GAREM1: variants seen among roughly 807,000 people sequenced by gnomAD.
GAREM1 encodes the protein GRB2-associated and regulator of MAPK protein 1.
GAREM1 carries 26 observed loss-of-function variants against 71.3 expected under a neutral mutation model. The ratio of observed to expected loss-of-function variants is 0.36; its 90% CI spans 0.27 to 0.51. GAREM1 has a LOEUF of 0.51. Ranked by LOEUF, GAREM1 falls within the 20% of genes least tolerant of loss-of-function variation. The probability of loss-of-function intolerance (pLI) is 0.95; values close to 1 mark genes in which losing one functional copy is unlikely to be tolerated. For missense variants in GAREM1, 1,026 were observed against 1,103.1 expected (o/e 0.93, Z 0.99); for synonymous variants, 440 against 433.2 (o/e 1.02, Z -0.20).
At chr18:32,304,918 G>A (rs1176921720) in intron 3 of GAREM1, among the ~76,000 whole-genome samples, 2 of 152,092 alleles carry the variant, frequency 1.3e-5, no homozygotes, top group Non-Finnish European at 2.9e-5. Context: ...TTAAAAGGAG[G>A]GGTATGGGCC....
rs1567980528 is a variant in GAREM1, at chr18:32,364,006, A to G, written c.262+28889T>C. ...TAAATACATATATACATATATATATATATATATATATATATATATATGTTT... is the reference window on the plus strand; with the variant it reads ...TAAATACATATATACATATATATATGTATATATATATATATATATATGTTT... On this transcript the variant is annotated intron_variant, in intron 2 of 5. Coordinates refer to ENST00000269209, the MANE Select transcript of GAREM1 (RefSeq NM_001242409.2). Among the ~76,000 whole-genome samples the G allele has an allele frequency of 4.4e-3, 183 of 41,910 alleles. 7 individuals carry two copies. The highest frequency in any genetic ancestry group is 0.024 in the African/African-American group (169 of 6,978). The allele number at this position is 41,910 out of a possible 152,430, so 27.5% of individuals were successfully genotyped here. A position where few individuals can be genotyped will look rare whatever the true frequency, so the allele number is the denominator to read the frequency against.
intron 1 of GAREM1, among the ~76,000 whole-genome samples, chr18:32,429,262 T>C (rs1403793752): frequency 1.3e-5 from 2 of 152,220 alleles, no homozygotes; most frequent in East Asian, 1.9e-4. Flanking sequence ...TTTTTATTTC[T>C]CCTACATTTT....
At chr18:32,364,939 T>C (rs1423346111) in intron 2 of GAREM1, among the ~76,000 whole-genome samples, 1 of 152,016 alleles carries the variant, frequency 6.6e-6, no homozygotes, top group African/African-American at 2.4e-5. Flanking sequence ...TTCTCCAGAC[T>C]TCTCGATATA....
chr18:32,323,201 G>T (rs1335241883), intron 2 of GAREM1, among the ~76,000 whole-genome samples: 1 of 152,180 alleles, frequency 6.6e-6, no homozygotes, highest in Non-Finnish European at 1.5e-5. Context: ...AAACTGCTCT[G>T]CATTTCTTAA....
chr18:32,355,714 A>G (rs2047798191), intron 2 of GAREM1, among the ~76,000 whole-genome samples: 1 of 152,218 alleles, frequency 6.6e-6, no homozygotes, highest in Non-Finnish European at 1.5e-5. Context: ...CACAGAAAGA[A>G]CAAGAGTATG....
At position 32,312,340 on chromosome 18, in the gene GAREM1, C is replaced by G. The variant is rs190305592; in HGVS notation, c.263-2017G>C. ...ACCGGCCAGGGGAGTGAGAGGAAAA[C>G]CAAGAGGGATGCATCCAAGAAGCCA... On this transcript the variant is annotated intron_variant, in intron 2 of 5. Transcript: ENST00000269209. 4.6e-5 allele frequency among the ~76,000 whole-genome samples: 7 copies of G among 152,174 alleles called. No homozygotes were observed. In the East Asian group the frequency reaches 1.4e-3, roughly 29 times the overall value.
intron 2 of GAREM1, among the ~76,000 whole-genome samples, chr18:32,345,151 T>C (rs1306779288): frequency 1.3e-5 from 2 of 152,142 alleles, no homozygotes; most frequent in African/African-American, 4.8e-5. Flanking sequence ...AAGTAAAATG[T>C]ATGAGCAAAT....
intron 1 of GAREM1, among the ~76,000 whole-genome samples, chr18:32,401,586 G>A (rs1217531077): frequency 1.3e-5 from 2 of 152,090 alleles, no homozygotes; most frequent in African/African-American, 2.4e-5. Context: ...AGAGGCAAAG[G>A]GGAACCACTG....
intron 4 of GAREM1, among the ~76,000 whole-genome samples, chr18:32,276,255 G>A (rs1444939603): frequency 6.6e-6 from 1 of 152,230 alleles, no homozygotes; most frequent in Non-Finnish European, 1.5e-5. Context: ...AAAGGTGTCT[G>A]TCCTGGGGGC....
At position 32,458,085 on chromosome 18, in the gene GAREM1, T is replaced by C. The variant is rs1458867; in HGVS notation, c.121+12223A>G. On this transcript the variant is annotated intron_variant, in intron 1 of 5. Transcript: ENST00000269209. Reference sequence around the variant, plus strand: ...ATAGATTCTAAACTTCAACAGACTCTGAAGTTGTGTCGTCTATCTCTTATC... The same window carrying C: ...ATAGATTCTAAACTTCAACAGACTCCGAAGTTGTGTCGTCTATCTCTTATC... Among the ~76,000 whole-genome samples the C allele has an allele frequency of 0.03, 4,591 of 152,236 alleles. 413 individuals are homozygous for C. The East Asian group carries it at 0.34, about 11-fold the overall frequency.
intron 5 of GAREM1, 151 bp downstream of exon 5, chr18:32,270,066 T>A (rs2041434771): frequency 1.2e-6 from 1 of 845,608 alleles, no homozygotes. Context: ...GGCCCCATCA[T>A]GCTCACTCAG....
At chr18:32,441,038 C>T (rs2048731740) in intron 1 of GAREM1, among the ~76,000 whole-genome samples, 1 of 152,052 alleles carries the variant, frequency 6.6e-6, no homozygotes, top group Non-Finnish European at 1.5e-5. Context: ...AATAGTACCT[C>T]TTACAAGTGA....
intron 1 of GAREM1, among the ~76,000 whole-genome samples, chr18:32,467,923 T>A (rs562571054): frequency 3.1e-4 from 47 of 151,762 alleles, no homozygotes; most frequent in Non-Finnish European, 4.9e-4. Context: ...GAAACATGTT[T>A]AAAAACATGC....
chr18:32,273,317 A>T (rs985903061), intron 4 of GAREM1, among the ~76,000 whole-genome samples: 1 of 152,216 alleles, frequency 6.6e-6, no homozygotes, highest in Non-Finnish European at 1.5e-5. Context: ...ATATGCTCAG[A>T]TGTCAATTAC....
At chr18:32,402,496 C>G (rs1457470569) in intron 1 of GAREM1, among the ~76,000 whole-genome samples, 1 of 148,612 alleles carries the variant, frequency 6.7e-6, no homozygotes, top group Non-Finnish European at 1.5e-5. Flanking sequence ...CTTTTCTGCT[C>G]TTTTGGCTTC....
intron 2 of GAREM1, among the ~76,000 whole-genome samples, chr18:32,354,386 C>T (rs1219045189): frequency 6.6e-6 from 1 of 152,132 alleles, no homozygotes; most frequent in Admixed American, 6.5e-5. Flanking sequence ...ATCTTTGTTA[C>T]TTGACTGAAT....
chr18:32,336,159 G>A (rs564603195), intron 2 of GAREM1, among the ~76,000 whole-genome samples: 69 of 152,256 alleles, frequency 4.5e-4, no homozygotes, highest in African/African-American at 1.6e-3. Context: ...GGCCGGGCAC[G>A]GTGGCTCACA....
At chr18:32,341,248 G>T (rs536980933) in intron 2 of GAREM1, among the ~76,000 whole-genome samples, 1 of 152,086 alleles carries the variant, frequency 6.6e-6, no homozygotes, top group Non-Finnish European at 1.5e-5. Context: ...CCATCCTTGC[G>T]ATAGTTTGCT....
intron 2 of GAREM1, among the ~76,000 whole-genome samples, chr18:32,391,919 G>A (rs1464340117): frequency 2.0e-5 from 3 of 152,054 alleles, no homozygotes; most frequent in Non-Finnish European, 2.9e-5. Context: ...AATCAAAAAT[G>A]GTACCAAACT....
Sources: gnomAD v4.1 joint callset for allele counts (sites outside exome capture counted in the v4.1 genomes callset) on GRCh38, gnomAD v4.1.1 for gene constraint, MANE v1.5 for transcripts, NCBI Gene and HGNC (gene_info 2026-07-23, HGNC 2026-07-21) for gene names.